Variants in NHLRC2 observed in about 807,000 individuals in gnomAD.
NHLRC2 encodes NHL repeat containing 2, also known as NHL repeat-containing protein 2.
Under a neutral mutation model 68.1 loss-of-function variants are expected in NHLRC2, and 33 were observed. That is an observed-to-expected ratio of 0.48 (90% CI 0.37 to 0.65). The LOEUF (loss-of-function observed/expected upper bound fraction) is 0.65, where lower values mean the gene tolerates loss of function less well. NHLRC2 is among the 30% of genes least tolerant of loss of function. The probability of loss-of-function intolerance (pLI) is 0.00; values close to 1 mark genes in which losing one functional copy is unlikely to be tolerated. For missense variants in NHLRC2, 761 were observed against 853.8 expected (o/e 0.89, Z 1.35); for synonymous variants, 311 against 309.6 (o/e 1.00, Z -0.05).
chr10:113,859,930 A>G (rs1193091300), intron 2 of NHLRC2, among the ~76,000 whole-genome samples: 3 of 152,186 alleles, frequency 2.0e-5, no homozygotes, highest in South Asian at 2.1e-4. Context: ...CAGAAGGGAC[A>G]CTCCTGGCTG....
chr10:113,865,278 TC>T (rs1233090207), intron 2 of NHLRC2, among the ~76,000 whole-genome samples: 1 of 147,252 alleles, frequency 6.8e-6, no homozygotes, highest in Non-Finnish European at 1.5e-5. Context: ...AAATCGCTTT[TC>T]ATCCCCCCCC....
chr10:113,915,420 A>G lies in NHLRC2; in HGVS notation c.*6884A>G, dbSNP rs1214534313. 3 of 360,034 alleles carry G rather than the reference A, an allele frequency of 8.3e-6. No homozygotes were observed. The Admixed American group carries it at 1.1e-4, about 14-fold the overall frequency. The allele number at this position is 360,034 out of a possible 1,614,324, so 22.3% of individuals were successfully genotyped here. A position where few individuals can be genotyped will look rare whatever the true frequency, so the allele number is the denominator to read the frequency against. ...CACAGGCTTGGTGGCTTTAAGTAAT[A>G]TAGCATTAAGCAAATGGTCAGTTAT... On this transcript the variant is annotated 3_prime_UTR_variant, in exon 11 of 11. Coordinates refer to ENST00000369301, the MANE Select transcript of NHLRC2 (RefSeq NM_198514.4).
chr10:113,903,687 A>G lies in NHLRC2; in HGVS notation c.1655A>G (p.Asn552Ser), dbSNP rs1225398992. 4 of 1,597,664 alleles carry G rather than the reference A, an allele frequency of 2.5e-6. No homozygotes were observed. The highest frequency in any genetic ancestry group is 1.1e-5 in the South Asian group (1 of 90,706). ...NGELLYVADT[N>S]NHQIKVMDLE... ...GAATTATTATATGTAGCAGACACCA[A>G]TAATCATCAAATTAAAGTGATGGAT... is the stretch of plus-strand genomic sequence containing the variant. The change falls in exon 9 of 11, where the codon AAT (asparagine) becomes AGT (serine). Residue 552 changes from asparagine (N) to serine (S), a missense_variant. Asn to Ser is a conservative substitution (Grantham distance 46). Coordinates refer to ENST00000369301, the MANE Select transcript of NHLRC2 (RefSeq NM_198514.4).
At chr10:113,891,127 C>T (rs752890236) in intron 5 of NHLRC2, among the ~76,000 whole-genome samples, 1 of 152,138 alleles carries the variant, frequency 6.6e-6, no homozygotes, top group Non-Finnish European at 1.5e-5. Flanking sequence ...GGTGGGAACA[C>T]GGCCAAACCA....
rs1285347155 is a variant in NHLRC2, at chr10:113,915,779, G to A, written c.*7243G>A. 2 of 153,788 alleles carry A rather than the reference G, an allele frequency of 1.3e-5. No homozygotes were observed. Among genetic ancestry groups the A allele is most frequent in the Non-Finnish European group, 2.9e-5 (2 of 69,442 alleles). The allele number at this position is 153,788 out of a possible 1,614,324, so 9.5% of individuals were successfully genotyped here. A position where few individuals can be genotyped will look rare whatever the true frequency, so the allele number is the denominator to read the frequency against. Reference sequence around the variant, plus strand: ...GGCCTCCTGAGTAGCTAAGACCACAGGTGTGTGCCACCACACCTGGCTAAT... The same window carrying A: ...GGCCTCCTGAGTAGCTAAGACCACAAGTGTGTGCCACCACACCTGGCTAAT... On this transcript the variant is annotated 3_prime_UTR_variant, in exon 11 of 11. Transcript: ENST00000369301.
At chr10:113,889,084 C>T (rs1846107136) in intron 5 of NHLRC2, among the ~76,000 whole-genome samples, 1 of 152,118 alleles carries the variant, frequency 6.6e-6, no homozygotes, top group Admixed American at 6.6e-5. Context: ...GCCTTGGCCT[C>T]CCAAAGTGCT....
Position 113,858,585 on chromosome 10 carries a change from A to G in NHLRC2, c.236A>G (p.Lys79Arg), listed in dbSNP as rs1845784546. 1 of 1,610,398 alleles carries G rather than the reference A, an allele frequency of 6.2e-7. No individual in the cohort carries two copies. The highest frequency in any genetic ancestry group is 8.5e-7 in the Non-Finnish European group (1 of 1,176,784). ...PISVYKDLCG[K>R]IVVLDFFTYC... The stretch of plus-strand genomic sequence containing the variant: ...TCTGTCTACAAGGATCTATGTGGAA[A>G]AATAGTCGTCCTTGATTTCTTCACC... The change falls in exon 2 of 11, where the codon AAA (lysine) becomes AGA (arginine). Residue 79 changes from lysine (K) to arginine (R), a missense_variant. Transcript: ENST00000369301.
Position 113,876,529 on chromosome 10 carries a change from C to A in NHLRC2, c.340C>A (p.Leu114Ile), listed in dbSNP as rs778991927. The stretch of plus-strand genomic sequence containing the variant: ...TAATTTTTTCCTTTCAGATGGTCTT[C>A]TTATTATTGGTGTTCACTCGGCTAA... ...EHTYSDKDGL[L>I]IIGVHSAKFP... Residue 114 changes from leucine to isoleucine, a missense_variant, in exon 3 of 11, where the codon CTT (leucine) becomes ATT (isoleucine). Transcript: ENST00000369301. 8 of 1,575,858 alleles carry A rather than the reference C, an allele frequency of 5.1e-6. No individual in the cohort carries two copies. The highest frequency in any genetic ancestry group is 2.3e-5 in the South Asian group (2 of 85,230).
intron 2 of NHLRC2, among the ~76,000 whole-genome samples, chr10:113,876,025 G>A (rs1254576319): frequency 6.7e-6 from 1 of 150,174 alleles, no homozygotes; most frequent in African/African-American, 2.5e-5. Flanking sequence ...CCATACAATA[G>A]GAATTTTAAA....
At chr10:113,874,152 C>G (rs946292687) in intron 2 of NHLRC2, among the ~76,000 whole-genome samples, 4 of 152,050 alleles carry the variant, frequency 2.6e-5, no homozygotes, top group Admixed American at 2.0e-4. Context: ...AATCTTTGTA[C>G]TTACAACTTT....
chr10:113,891,963 G>C (rs1001427783), intron 5 of NHLRC2, among the ~76,000 whole-genome samples: 1 of 152,180 alleles, frequency 6.6e-6, no homozygotes, highest in African/African-American at 2.4e-5. Flanking sequence ...ACTCTGCTTG[G>C]TGTCAGTAGA....
At chr10:113,903,414 T>C (rs1846245269) in intron 8 of NHLRC2, 113 bp from the exon 9 acceptor site, 2 of 698,502 alleles carry the variant, frequency 2.9e-6, no homozygotes, top group Non-Finnish European at 5.1e-6. Flanking sequence ...TTGTGAGACT[T>C]ATTGAGAATA....
chr10:113,864,710 C>CCACA (rs962965932), intron 2 of NHLRC2, among the ~76,000 whole-genome samples: 1 of 147,394 alleles, frequency 6.8e-6, no homozygotes, highest in African/African-American at 2.5e-5. Flanking sequence ...AAAAAAAAAA[C>CCACA]CACACACACA....
chr10:113,903,181 AAGTC>A (rs1252741112), intron 8 of NHLRC2, among the ~76,000 whole-genome samples: 1 of 152,192 alleles, frequency 6.6e-6, no homozygotes, highest in Non-Finnish European at 1.5e-5. Flanking sequence ...CAGGAAGACA[AAGTC>A]AGTTCAGTTG....
At position 113,901,672 on chromosome 10, in the gene NHLRC2, A is replaced by G. The variant is rs1846230041; in HGVS notation, c.1146A>G (p.Leu382=). The G allele has an allele frequency of 6.2e-7, 1 of 1,612,216 alleles. No homozygotes were observed. Among genetic ancestry groups the G allele is most frequent in the African/African-American group, 1.3e-5 (1 of 74,906 alleles). ...DSGKLPKKNE[L]TKGTCLRFAG... The stretch of plus-strand genomic sequence containing the variant: ...ATGAACTTGTCTTTTTCAGTGAGTT[A>G]ACAAAAGGAACCTGCCTTAGGTTTG... Residue 382 remains leucine, a synonymous_variant, in exon 7 of 11, where the codon TTA becomes TTG. Coordinates refer to ENST00000369301, the MANE Select transcript of NHLRC2 (RefSeq NM_198514.4).
At chr10:113,864,722 A>G (rs981605940) in intron 2 of NHLRC2, among the ~76,000 whole-genome samples, 2 of 151,252 alleles carry the variant, frequency 1.3e-5, no homozygotes, top group Non-Finnish European at 2.9e-5. Context: ...ACACACACAC[A>G]CAAAAATGGG....
chr10:113,898,773 G>A (rs1468393347), intron 6 of NHLRC2, among the ~76,000 whole-genome samples: 1 of 152,120 alleles, frequency 6.6e-6, no homozygotes, highest in Non-Finnish European at 1.5e-5. Context: ...TTGAATCCTG[G>A]CTCTGCCATT....
intron 8 of NHLRC2, among the ~76,000 whole-genome samples, chr10:113,903,245 T>G (rs571958062): frequency 1.3e-5 from 2 of 152,290 alleles, no homozygotes; most frequent in South Asian, 4.1e-4. Flanking sequence ...AAAAAAATTT[T>G]TTTTAATTCC....
In NHLRC2 at chr10:113,902,595, T is replaced by C; in HGVS notation, c.1494+2T>C. The C allele has an allele frequency of 6.3e-7, 1 of 1,599,542 alleles. No individual in the cohort carries two copies. The highest frequency in any genetic ancestry group is 8.5e-7 in the Non-Finnish European group (1 of 1,175,840). On this transcript the variant is annotated splice_donor_variant, in intron 8 of 10. Transcript: ENST00000369301. LOFTEE classifies it high-confidence loss of function. ...GTTGCAGACTCCTACAATCACAAGG[T>C]GAGTCGTGACAGAATTATATAATAT...
Sources: gnomAD v4.1 joint callset for allele counts (sites outside exome capture counted in the v4.1 genomes callset) on GRCh38, gnomAD v4.1.1 for gene constraint, MANE v1.5 for transcripts, NCBI Gene and HGNC (gene_info 2026-07-23, HGNC 2026-07-21) for gene names.